The following CSMD1 variants were observed in gnomAD, a reference collection of about 807,000 sequenced individuals.
CSMD1 encodes the protein CUB and sushi domain-containing protein 1.
In CSMD1, 213 loss-of-function variants were observed where a neutral mutation model predicts 417.5. That is an observed-to-expected ratio of 0.51 (90% CI 0.46 to 0.57). The LOEUF (loss-of-function observed/expected upper bound fraction) is 0.57. Ranked by LOEUF, CSMD1 falls within the 20% of genes least tolerant of loss-of-function variation. The pLI is 0.00. For missense variants in CSMD1, 6,923 were observed against 4,529.7 expected (o/e 1.53, Z -15.17); for synonymous variants, 2,862 against 1,736.8 (o/e 1.65, Z -16.11).
intron 5 of CSMD1, among the ~76,000 whole-genome samples, chr8:3,991,046 G>A (rs1010551882): frequency 6.6e-6 from 1 of 152,174 alleles, no homozygotes; most frequent in African/African-American, 2.4e-5. Context: ...CTCCACTTGT[G>A]GGGCTGCAGC....
chr8:4,304,684 C>G (rs572901674), intron 3 of CSMD1, among the ~76,000 whole-genome samples: 2 of 152,274 alleles, frequency 1.3e-5, no homozygotes, highest in African/African-American at 4.8e-5. Context: ...GAAACATCTC[C>G]AGTTTGAAGA....
intron 12 of CSMD1, among the ~76,000 whole-genome samples, chr8:3,442,641 C>T (rs6558776): frequency 0.17 from 25,902 of 152,040 alleles, 2,917 homozygotes; most frequent in East Asian, 0.3. Context: ...GTGCACTCCA[C>T]GATGTTTGCA....
intron 5 of CSMD1, among the ~76,000 whole-genome samples, chr8:3,926,906 G>C (rs1429328493): frequency 6.6e-6 from 1 of 151,476 alleles, no homozygotes; most frequent in East Asian, 1.9e-4. Context: ...AGTAGAGAAA[G>C]GGTTTCACCA....
At chr8:4,499,072 T>G (rs938186963) in intron 2 of CSMD1, among the ~76,000 whole-genome samples, 10 of 152,144 alleles carry the variant, frequency 6.6e-5, no homozygotes, top group South Asian at 2.1e-4. Flanking sequence ...CTGATGAAAG[T>G]GCTAAAGGAC....
chr8:3,641,587 T>C (rs186582174), intron 7 of CSMD1, among the ~76,000 whole-genome samples: 34 of 152,334 alleles, frequency 2.2e-4, no homozygotes, highest in Admixed American at 2.2e-3. Flanking sequence ...TCATGATTTA[T>C]GCTTCTTATG....
chr8:3,443,736 G>C (rs950451525), intron 12 of CSMD1, among the ~76,000 whole-genome samples: 1 of 152,186 alleles, frequency 6.6e-6, no homozygotes, highest in Non-Finnish European at 1.5e-5. Flanking sequence ...TGTGAATCTA[G>C]CAATGGACAG....
intron 1 of CSMD1, among the ~76,000 whole-genome samples, chr8:4,741,019 C>T (rs549465177): frequency 3.3e-5 from 5 of 152,052 alleles, no homozygotes; most frequent in East Asian, 3.9e-4. Context: ...TTACTAGAAC[C>T]GAAAGTCCTA....
intron 3 of CSMD1, among the ~76,000 whole-genome samples, chr8:4,181,319 A>G (rs1191072559): frequency 3.3e-5 from 5 of 152,146 alleles, no homozygotes; most frequent in African/African-American, 7.2e-5. Flanking sequence ...TGACATATAT[A>G]TCCATGCTAA....
intron 65 of CSMD1, among the ~76,000 whole-genome samples, chr8:2,952,653 T>C (rs1462824470): frequency 1.8e-4 from 27 of 151,706 alleles, no homozygotes; most frequent in Non-Finnish European, 2.9e-5. Flanking sequence ...TTATTTTCCA[T>C]TACTAAAATT....
chr8:3,387,410 A>C, intron 18 of CSMD1, 84 bp downstream of exon 18: 1 of 1,197,562 alleles, frequency 8.4e-7, no homozygotes, highest in Non-Finnish European at 1.2e-6. Flanking sequence ...CACCCCCTGA[A>C]ATACACACAC....
chr8:4,733,776 A>T (rs1280446832), intron 1 of CSMD1, among the ~76,000 whole-genome samples: 1 of 152,202 alleles, frequency 6.6e-6, no homozygotes, highest in Middle Eastern at 3.2e-3. Context: ...ACTTAACAAC[A>T]ACGACAAAAT....
At chr8:3,756,788 A>C (rs1441990083) in intron 5 of CSMD1, among the ~76,000 whole-genome samples, 1 of 150,436 alleles carries the variant, frequency 6.6e-6, no homozygotes, top group Non-Finnish European at 1.5e-5. Flanking sequence ...GACTGAAAAA[A>C]CCAGGTGGAA....
At chr8:4,887,405 A>G (rs1331643900) in intron 1 of CSMD1, among the ~76,000 whole-genome samples, 1 of 152,068 alleles carries the variant, frequency 6.6e-6, no homozygotes, top group South Asian at 2.1e-4. Context: ...CATGGACAAC[A>G]GTTCATCTGC....
intron 2 of CSMD1, among the ~76,000 whole-genome samples, chr8:4,629,897 T>C (rs1802404327): frequency 6.6e-6 from 1 of 152,186 alleles, no homozygotes; most frequent in Non-Finnish European, 1.5e-5. Flanking sequence ...ATGCTTTTCC[T>C]TAGGCTTTAA....
chr8:4,334,463 C>T (rs1169798338), intron 3 of CSMD1, among the ~76,000 whole-genome samples: 4 of 152,132 alleles, frequency 2.6e-5, no homozygotes, highest in African/African-American at 9.7e-5. Flanking sequence ...CATCAAACTC[C>T]TGAGTGTTCA....
chr8:4,246,072 T>A (rs1464509253), intron 3 of CSMD1, among the ~76,000 whole-genome samples: 1 of 152,192 alleles, frequency 6.6e-6, no homozygotes, highest in African/African-American at 2.4e-5. Context: ...GCAGGTTTGT[T>A]ACTTAAGTAA....
At chr8:4,788,410 G>C (rs1032594550) in intron 1 of CSMD1, 5 of 1,334,866 alleles carry the variant, frequency 3.7e-6, no homozygotes, top group East Asian at 4.6e-5. Context: ...TCTTCTCTTT[G>C]ACTACCCAGG....
At chr8:3,370,849 G>A (rs944832615) in intron 18 of CSMD1, among the ~76,000 whole-genome samples, 3 of 152,082 alleles carry the variant, frequency 2.0e-5, no homozygotes, top group Non-Finnish European at 4.4e-5. Flanking sequence ...AGTGGCAGAA[G>A]CCTACAATTC....
Position 3,834,757 on chromosome 8 carries a change from G to A in CSMD1, c.819-80715C>T, listed in dbSNP as rs549816052. 9.2e-5 allele frequency among the ~76,000 whole-genome samples: 14 copies of A among 152,022 alleles called. No homozygotes were observed. The South Asian group carries it at 1.2e-3, about 14-fold the overall frequency. ...CATTCTCGGAGGTGGAGCCAAGATGGCGGAATAGGAAGAGCTCAAGGCAAC... is the reference window on the plus strand; with the variant it reads ...CATTCTCGGAGGTGGAGCCAAGATGACGGAATAGGAAGAGCTCAAGGCAAC... On this transcript the variant is annotated intron_variant, in intron 5 of 69. Transcript: ENST00000635120.
Sources: gnomAD v4.1 joint callset for allele counts (sites outside exome capture counted in the v4.1 genomes callset) on GRCh38, gnomAD v4.1.1 for gene constraint, MANE v1.5 for transcripts, NCBI Gene and HGNC (gene_info 2026-07-23, HGNC 2026-07-21) for gene names.